The following STPG2 variants were observed in gnomAD, a reference collection of about 807,000 sequenced individuals.
STPG2 encodes sperm-tail PG-rich repeat-containing protein 2.
In STPG2, 56 loss-of-function variants were observed where a neutral mutation model predicts 54.2. The observed-to-expected ratio is 1.03, with a 90% CI of 0.83 to 1.29. The LOEUF is 1.29. STPG2 is among the 50% of genes most tolerant of loss of function. The probability of loss-of-function intolerance (pLI) is 0.00; values close to 1 mark genes in which losing one functional copy is unlikely to be tolerated. For missense variants in STPG2, 596 were observed against 544.9 expected (o/e 1.09, Z -0.93); for synonymous variants, 200 against 181.8 (o/e 1.10, Z -0.81).
intron 7 of STPG2, among the ~76,000 whole-genome samples, chr4:97,970,172 T>C (rs1463051545): frequency 6.6e-6 from 1 of 152,140 alleles, no homozygotes; most frequent in South Asian, 2.1e-4. Flanking sequence ...CACAAATGAA[T>C]GGAAGAATAT....
chr4:97,761,344 C>T (rs567357565), intron 9 of STPG2, among the ~76,000 whole-genome samples: 20 of 151,978 alleles, frequency 1.3e-4, no homozygotes, highest in Non-Finnish European at 2.5e-4. Flanking sequence ...AAGACACAAA[C>T]GTACAGAGGG....
chr4:97,632,229 GA>G lies in STPG2; in HGVS notation c.1321-73113del, dbSNP rs1352150555. 4.0e-5 allele frequency among the ~76,000 whole-genome samples: 6 copies of G among 149,652 alleles called. 1 individual carries two copies. In the South Asian group the frequency reaches 6.3e-4, roughly 16 times the overall value. On this transcript the variant is annotated intron_variant, in intron 10 of 10. Coordinates refer to ENST00000295268, the MANE Select transcript of STPG2 (RefSeq NM_174952.3). ...AACTTAAAATATACAAGTAATAATA[GA>G]TTTTTTTGTTTTTAGGTTTACTAAA...
intron 9 of STPG2, among the ~76,000 whole-genome samples, chr4:97,796,616 G>C (rs1475066560): frequency 6.6e-6 from 1 of 152,152 alleles, no homozygotes; most frequent in African/African-American, 2.4e-5. Flanking sequence ...TTGTAGTATA[G>C]TTTGAAGTCA....
chr4:97,553,838 G>T (rs76743837), intron 4 of STPG2, among the ~76,000 whole-genome samples: 1 of 152,186 alleles, frequency 6.6e-6, no homozygotes, highest in African/African-American at 2.4e-5. Context: ...AACAGTATTT[G>T]CAAACCGAAC....
At chr4:97,856,151 C>T (rs1729329192) in intron 8 of STPG2, among the ~76,000 whole-genome samples, 1 of 152,098 alleles carries the variant, frequency 6.6e-6, no homozygotes, top group South Asian at 2.1e-4. Flanking sequence ...GCTATTTGAC[C>T]TCTTTTTTGG....
intron 5 of STPG2, among the ~76,000 whole-genome samples, chr4:98,020,591 T>C (rs1736146748): frequency 6.6e-6 from 1 of 152,196 alleles, no homozygotes; most frequent in African/African-American, 2.4e-5. Flanking sequence ...TCAGAAGGAA[T>C]GGTACCAGCT....
intron 8 of STPG2, among the ~76,000 whole-genome samples, chr4:97,938,188 C>G (rs1471579735): frequency 2.6e-5 from 4 of 152,194 alleles, no homozygotes; most frequent in Non-Finnish European, 4.4e-5. Context: ...AGCTGGTATG[C>G]TGCGCTGTGG....
At position 97,643,802 on chromosome 4, in the gene STPG2, G is replaced by A. The variant is rs373945866; in HGVS notation, c.1320+68897C>T. Among the ~76,000 whole-genome samples the A allele has an allele frequency of 2.8e-4, 43 of 151,784 alleles. No homozygotes were observed. In the East Asian group the frequency reaches 5.6e-3, roughly 20 times the overall value. The stretch of plus-strand genomic sequence containing the variant: ...AGTGTCTGATATTATAAGAGAATTT[G>A]AGATTCTTTTATTATAAAGAGAATT... On this transcript the variant is annotated intron_variant, in intron 10 of 10. Transcript: ENST00000295268.
intron 4 of STPG2, among the ~76,000 whole-genome samples, chr4:97,458,125 G>A (rs1578314817): frequency 6.6e-6 from 1 of 152,160 alleles, no homozygotes; most frequent in South Asian, 2.1e-4. Context: ...TTTTTCACCT[G>A]AAAATAGGAA....
intron 7 of STPG2, among the ~76,000 whole-genome samples, chr4:97,944,726 C>G (rs1733134691): frequency 6.6e-6 from 1 of 152,086 alleles, no homozygotes; most frequent in Non-Finnish European, 1.5e-5. Flanking sequence ...GAATTTGACA[C>G]ATAGTAGCTA....
At chr4:98,079,238 T>C (rs1738264359) in intron 5 of STPG2, among the ~76,000 whole-genome samples, 1 of 152,228 alleles carries the variant, frequency 6.6e-6, no homozygotes, top group Non-Finnish European at 1.5e-5. Context: ...TTACAAAAAA[T>C]ATTGTTCTCA....
At chr4:97,556,539 T>G (rs1732082687), downstream of STPG2, among the ~76,000 whole-genome samples, 1 of 152,170 alleles carries the variant, frequency 6.6e-6, no homozygotes, top group Non-Finnish European at 1.5e-5. Context: ...ATTTTATGAT[T>G]TGGAGGCTGT....
At chr4:97,990,729 A>G (rs1270531881) in intron 5 of STPG2, among the ~76,000 whole-genome samples, 2 of 152,208 alleles carry the variant, frequency 1.3e-5, no homozygotes, top group Non-Finnish European at 2.9e-5. Flanking sequence ...AAAGCTTAAA[A>G]TTTATTGAAA....
At chr4:97,512,284 C>G (rs148607025) in intron 4 of STPG2, among the ~76,000 whole-genome samples, 39 of 152,100 alleles carry the variant, frequency 2.6e-4, no homozygotes, top group Admixed American at 5.2e-4. Context: ...TAAAGAACTA[C>G]CAGGACTACA....
intron 5 of STPG2, among the ~76,000 whole-genome samples, chr4:97,995,542 T>C (rs1413911516): frequency 6.6e-6 from 1 of 151,962 alleles, no homozygotes; most frequent in Non-Finnish European, 1.5e-5. Context: ...CTAAGATGGC[T>C]GACTAGACAC....
At chr4:97,610,558 T>C (rs1300476603) in intron 10 of STPG2, among the ~76,000 whole-genome samples, 2 of 152,006 alleles carry the variant, frequency 1.3e-5, no homozygotes, top group East Asian at 1.9e-4. Context: ...TTCTAGGCTA[T>C]AGTTTTCATG....
chr4:97,641,030 T>A (rs1236896160), intron 10 of STPG2, among the ~76,000 whole-genome samples: 2 of 151,622 alleles, frequency 1.3e-5, no homozygotes, highest in African/African-American at 4.8e-5. Context: ...CTACTTTCAA[T>A]AAATAAAGTA....
chr4:98,105,157 T>C (rs188029142), intron 5 of STPG2, among the ~76,000 whole-genome samples: 2 of 152,358 alleles, frequency 1.3e-5, no homozygotes, highest in African/African-American at 4.8e-5. Flanking sequence ...TTTTTGTCTA[T>C]AAATTTATTC....
chr4:97,816,945 T>C (rs1190646221), intron 9 of STPG2, among the ~76,000 whole-genome samples: 2 of 147,790 alleles, frequency 1.4e-5, no homozygotes, highest in East Asian at 3.9e-4. Flanking sequence ...TATACACATG[T>C]GTGTAGAAAA....
Sources: gnomAD v4.1 joint callset for allele counts (sites outside exome capture counted in the v4.1 genomes callset) on GRCh38, gnomAD v4.1.1 for gene constraint, MANE v1.5 for transcripts, NCBI Gene and HGNC (gene_info 2026-07-23, HGNC 2026-07-21) for gene names.